The following CLEC6A variants were observed in gnomAD, a reference collection of about 807,000 sequenced individuals.
CLEC6A encodes the protein C-type lectin domain family 6 member A.
Under a neutral mutation model 25.7 loss-of-function variants are expected in CLEC6A, and 22 were observed. The observed-to-expected ratio is 0.85, with a 90% CI of 0.61 to 1.22. CLEC6A has a LOEUF of 1.22. Ranked by LOEUF, CLEC6A falls within the 50% of genes most tolerant of loss-of-function variation. The pLI is 0.00. For missense variants in CLEC6A, 240 were observed against 236.8 expected, an observed-to-expected ratio of 1.01 and a Z score of -0.09; for synonymous variants, 92 against 76.7, an observed-to-expected ratio of 1.20 and a Z score of -1.04.
intron 2 of CLEC6A, 32 bp downstream of exon 2, chr12:8,458,019 C>T: frequency 2.1e-6 from 3 of 1,449,830 alleles, no homozygotes; most frequent in South Asian, 1.1e-5. Flanking sequence ...ATTTTCCTTG[C>T]TTCCTTTCCC....
At chr12:8,475,392 A>T (rs764231032) in intron 4 of CLEC6A, among the ~76,000 whole-genome samples, 1 of 151,858 alleles carries the variant, frequency 6.6e-6, no homozygotes, top group Non-Finnish European at 1.5e-5. Flanking sequence ...ATATGTATAT[A>T]TGAAAAGATT....
intron 1 of CLEC6A, among the ~76,000 whole-genome samples, chr12:8,457,177 G>A (rs1369122896): frequency 6.6e-6 from 1 of 151,642 alleles, no homozygotes; most frequent in Non-Finnish European, 1.5e-5. Flanking sequence ...ATTTCTTCTA[G>A]CTAATTGTAT....
chr12:8,459,465 C>T (rs1018037428), intron 2 of CLEC6A, 132 bp from the exon 3 acceptor site: 4 of 575,468 alleles, frequency 7.0e-6, no homozygotes, highest in Admixed American at 5.2e-5. Context: ...AATAATTTGG[C>T]ATGGTTTTTA....
At position 8,473,588 on chromosome 12, in the gene CLEC6A, A is replaced by G. The variant is rs116272019; in HGVS notation, c.370-2537A>G. On this transcript the variant is annotated intron_variant, in intron 4 of 5. Coordinates refer to ENST00000382073, the MANE Select transcript of CLEC6A (RefSeq NM_001007033.2). ...ATGGTTCATTTGCTGCTGGATATAT[A>G]CCTAGTAATGGGATTTCTGGGTTGA... is the stretch of plus-strand genomic sequence containing the variant. Among the ~76,000 whole-genome samples the G allele has an allele frequency of 7.8e-3, 1,195 of 152,240 alleles. 24 individuals are homozygous for G. The highest frequency in any genetic ancestry group is 0.028 in the African/African-American group (1,157 of 41,526).
At chr12:8,458,784 A>C (rs777529189) in intron 2 of CLEC6A, among the ~76,000 whole-genome samples, 1 of 152,312 alleles carries the variant, frequency 6.6e-6, no homozygotes, top group East Asian at 1.9e-4. Flanking sequence ...AAAGAAACAC[A>C]AATTCAGGAT....
At chr12:8,473,489 T>A (rs777196956) in intron 4 of CLEC6A, among the ~76,000 whole-genome samples, 1 of 152,332 alleles carries the variant, frequency 6.6e-6, no homozygotes, top group South Asian at 2.1e-4. Flanking sequence ...GATAGGCACC[T>A]AGGTCGATTC....
chr12:8,475,340 A>G (rs1367633628), intron 4 of CLEC6A, among the ~76,000 whole-genome samples: 4 of 49,154 alleles, frequency 8.1e-5, no homozygotes, highest in African/African-American at 2.1e-4. Flanking sequence ...ATATATATAT[A>G]TGTATGTGTG....
At chr12:8,469,470 A>G (rs1377059619) in intron 4 of CLEC6A, among the ~76,000 whole-genome samples, 1 of 152,182 alleles carries the variant, frequency 6.6e-6, no homozygotes, top group Non-Finnish European at 1.5e-5. Flanking sequence ...AAGATGCTGC[A>G]TAGCCAAAGT....
intron 3 of CLEC6A, among the ~76,000 whole-genome samples, chr12:8,461,812 C>T (rs977285900): frequency 2.6e-5 from 4 of 152,202 alleles, no homozygotes; most frequent in African/African-American, 9.6e-5. Flanking sequence ...CAGCTGCATA[C>T]GAAGAGCTAG....
Position 8,473,253 on chromosome 12 carries a change from CAA to C in CLEC6A, c.370-2870_370-2869del, listed in dbSNP as rs1939929089. 2.4e-4 allele frequency among the ~76,000 whole-genome samples: 2 copies of C among 8,248 alleles called. 1 individual carries two copies. The highest frequency in any genetic ancestry group is 8.1e-4 in the Non-Finnish European group (2 of 2,474). 5.4% of individuals were successfully genotyped at this position (8,248 alleles called of 152,430 possible). The stretch of plus-strand genomic sequence containing the variant: ...TCGTGATCCGCCCGTCTCGGCCTCC[CAA>C]AGTGCTGGGATTACAGGCGTGAGCC... On this transcript the variant is annotated intron_variant, in intron 4 of 5. Coordinates refer to ENST00000382073, the MANE Select transcript of CLEC6A (RefSeq NM_001007033.2).
intron 4 of CLEC6A, among the ~76,000 whole-genome samples, chr12:8,475,832 A>C (rs1479349897): frequency 1.3e-5 from 2 of 151,942 alleles, no homozygotes; most frequent in Non-Finnish European, 2.9e-5. Flanking sequence ...ATATAAAATA[A>C]AAAAAAAGAT....
chr12:8,458,136 G>A, intron 2 of CLEC6A, 149 bp downstream of exon 2: 1 of 581,924 alleles, frequency 1.7e-6, no homozygotes, highest in East Asian at 3.0e-5. Flanking sequence ...TTTTCCCTTT[G>A]TTTTTCTCCC....
chr12:8,463,323 A>G (rs1939788708), intron 3 of CLEC6A, among the ~76,000 whole-genome samples: 1 of 59,616 alleles, frequency 1.7e-5, no homozygotes, highest in Non-Finnish European at 4.2e-5. Context: ...TTAATAATTA[A>G]GTAAAACTTG....
rs75220987 is a variant in CLEC6A, at chr12:8,467,372, C to T, written c.369+1743C>T. Among the ~76,000 whole-genome samples the T allele has an allele frequency of 5.1e-3, 772 of 152,224 alleles. 7 individuals carry two copies. Among genetic ancestry groups the T allele is most frequent in the African/African-American group, 0.017 (717 of 41,546 alleles). On this transcript the variant is annotated intron_variant, in intron 4 of 5. Coordinates refer to ENST00000382073, the MANE Select transcript of CLEC6A (RefSeq NM_001007033.2). ...CATTTTGAGTTAATTTCTTATATGA[C>T]GTAAGGTAAGGATTCAACTTGATTA...
intron 4 of CLEC6A, among the ~76,000 whole-genome samples, chr12:8,466,074 T>A (rs1215633740): frequency 6.6e-6 from 1 of 152,250 alleles, no homozygotes; most frequent in Admixed American, 6.5e-5. Context: ...TTATTTGATT[T>A]CTTATTTTCC....
rs1234419454 is a variant in CLEC6A, at chr12:8,478,229, A to G, written c.*765A>G. 6.6e-6 allele frequency: 1 copy of G among 152,012 alleles called. No individual in the cohort carries two copies. The highest frequency in any genetic ancestry group is 1.9e-4 in the East Asian group (1 of 5,200). The allele number at this position is 152,012 out of a possible 1,614,324, so 9.4% of individuals were successfully genotyped here. On this transcript the variant is annotated 3_prime_UTR_variant, in exon 6 of 6. Transcript: ENST00000382073. ...TATTCCTGAAAATATGATGGTTAGCAAAGTTTGAGATAACTAGAGCCTGTA... is the reference window on the plus strand; with the variant it reads ...TATTCCTGAAAATATGATGGTTAGCGAAGTTTGAGATAACTAGAGCCTGTA...
intron 4 of CLEC6A, among the ~76,000 whole-genome samples, chr12:8,469,854 C>G (rs1939883120): frequency 6.6e-6 from 1 of 152,168 alleles, no homozygotes; most frequent in Middle Eastern, 3.4e-3. Context: ...TTGGAAAAAC[C>G]CTTCTAGACA....
chr12:8,457,982 G>C lies in CLEC6A; in HGVS notation c.116G>C (p.Cys39Ser), dbSNP rs114547499. The change falls in exon 2 of 6, where the codon TGT (cysteine) becomes TCT (serine). Residue 39 changes from cysteine (C) to serine (S), a missense_variant. Transcript: ENST00000382073. ...CTCAGTGCTTGCTTCATTGTGAGCT[G>C]TGTAGGTAAGTTCTTCACTGAGGTG... Reference protein sequence around the residue: ...ALLSACFIVSCVVTYHFTYGE... With the variant: ...ALLSACFIVSSVVTYHFTYGE... 4,097 of 1,609,982 alleles carry C rather than the reference G, an allele frequency of 2.5e-3. 110 individuals carry two copies. In the African/African-American group the frequency reaches 0.05, roughly 20 times the overall value.
chr12:8,457,388 T>C (rs796231253), intron 1 of CLEC6A, among the ~76,000 whole-genome samples: 9 of 152,204 alleles, frequency 5.9e-5, no homozygotes, highest in South Asian at 2.1e-4. Context: ...TCTGTGCTGT[T>C]GCAAATGGCA....
Sources: gnomAD v4.1 joint callset for allele counts (sites outside exome capture counted in the v4.1 genomes callset) on GRCh38, gnomAD v4.1.1 for gene constraint, MANE v1.5 for transcripts, NCBI Gene and HGNC (gene_info 2026-07-23, HGNC 2026-07-21) for gene names.